Variants in PEX1 observed in about 807,000 individuals in gnomAD.
The protein encoded by PEX1 is peroxisomal biogenesis factor 1, also known as peroxisomal ATPase PEX1.
PEX1 carries 97 observed loss-of-function variants against 152.5 expected under a neutral mutation model. The observed-to-expected ratio is 0.64, with a 90% CI of 0.54 to 0.75. The LOEUF (loss-of-function observed/expected upper bound fraction) is 0.75, where lower values mean the gene tolerates loss of function less well. PEX1 is among the 30% of genes least tolerant of loss of function. PEX1 has a pLI of 0.00. For missense variants in PEX1, 1,357 were observed against 1,516.3 expected, an observed-to-expected ratio of 0.89 and a Z score of 1.74; for synonymous variants, 485 against 531.6, an observed-to-expected ratio of 0.91 and a Z score of 1.21.
chr7:92,495,304 C>T (rs550614149), intron 17 of PEX1, among the ~76,000 whole-genome samples: 1 of 152,118 alleles, frequency 6.6e-6, no homozygotes, highest in South Asian at 2.1e-4. Flanking sequence ...TAATATAAAA[C>T]ACCTGTCACG....
At chr7:92,516,892 C>T (rs1447634080) in intron 5 of PEX1, among the ~76,000 whole-genome samples, 4 of 152,164 alleles carry the variant, frequency 2.6e-5, no homozygotes, top group Non-Finnish European at 5.9e-5. Flanking sequence ...AAGTTGCTTT[C>T]GGTAACTGGG....
In PEX1 at chr7:92,517,991, A is replaced by G; in HGVS notation, c.524T>C (p.Leu175Pro). The G allele has an allele frequency of 6.2e-7, 1 of 1,613,924 alleles. No homozygotes were observed. Among genetic ancestry groups the G allele is most frequent in the Non-Finnish European group, 8.5e-7 (1 of 1,179,958 alleles). ...SYGRLETDTK[L>P]LIQPKTRRAK... ...TCGGCGTGTCTTTGGCTGAATAAGG[A>G]GTTTGGTGTCAGTTTCCAGCCTTCC... Residue 175 changes from leucine (L) to proline (P), a missense_variant, in exon 5 of 24, where the codon CTC becomes CCC. Physicochemically the swap from Leu to Pro is moderately conservative, Grantham distance 98. Coordinates refer to ENST00000248633, the MANE Select transcript of PEX1 (RefSeq NM_000466.3).
Position 92,502,002 on chromosome 7 carries a change from G to A in PEX1, c.2304C>T (p.Asp768=), listed in dbSNP as rs1791952860. 6.2e-7 allele frequency: 1 copy of A among 1,612,784 alleles called. No homozygotes were observed. The highest frequency in any genetic ancestry group is 8.5e-7 in the Non-Finnish European group (1 of 1,178,896). Reference sequence around the variant, plus strand: ...CAGTTTCTTTAGCTACATGCTGCAGGTCAAGATCGGTGAACTTGTTTATAT... The same window carrying A: ...CAGTTTCTTTAGCTACATGCTGCAGATCAAGATCGGTGAACTTGTTTATAT... ...DCDINKFTDL[D]LQHVAKETGG... The change falls in exon 14 of 24, where the codon GAC becomes GAT. Residue 768 remains aspartate (D), a synonymous_variant. Transcript: ENST00000248633.
At chr7:92,496,825 A>G in intron 16 of PEX1, 48 bp from the exon 17 acceptor site, 1 of 1,272,818 alleles carries the variant, frequency 7.9e-7, no homozygotes, top group African/African-American at 1.5e-5. Flanking sequence ...AAAAGAAAAT[A>G]TAAATTTGGT....
In PEX1 at chr7:92,487,796, T is replaced by C. The variant is rs146180866; in HGVS notation, c.3768-255A>G. On this transcript the variant is annotated intron_variant, in intron 23 of 23. Transcript: ENST00000248633. ...AAATGACAATGAATAATATGAAAAA[T>C]TATAACTTCTACACTTTAATCAAAG... Among the ~76,000 whole-genome samples, 15 of 152,260 alleles carry C rather than the reference T, an allele frequency of 9.9e-5. 1 individual carries two copies. The East Asian group carries it at 2.9e-3, about 29-fold the overall frequency.
intron 4 of PEX1, 22 bp from the exon 5 acceptor site, chr7:92,518,064 T>C (rs1054478237): frequency 6.2e-7 from 1 of 1,613,800 alleles, no homozygotes. Flanking sequence ...ATAAAGCTCA[T>C]TAGTGCACAT....
Position 92,494,436 on chromosome 7 carries a change from A to G in PEX1, c.2927-40T>C, listed in dbSNP as rs1585220895. On this transcript the variant is annotated intron_variant, in intron 18 of 23. Coordinates refer to ENST00000248633, the MANE Select transcript of PEX1 (RefSeq NM_000466.3). Reference sequence around the variant, plus strand: ...AACATTTTTTTACCAAAATCTGATGACATGATGACATTTTGTTATAACATT... The same window carrying G: ...AACATTTTTTTACCAAAATCTGATGGCATGATGACATTTTGTTATAACATT... 19 of 1,611,048 alleles carry G rather than the reference A, an allele frequency of 1.2e-5. No individual in the cohort carries two copies. The East Asian group carries it at 4.2e-4, about 36-fold the overall frequency.
chr7:92,517,970 CGT>C lies in PEX1; in HGVS notation c.543_544del (p.Arg182ProfsTer11). The C allele has an allele frequency of 1.2e-6, 2 of 1,611,920 alleles. No individual in the cohort carries two copies. The highest frequency in any genetic ancestry group is 1.7e-6 in the Non-Finnish European group (2 of 1,179,204). ...TGAAAATGTATTCTCTTTGGCTCGGCGTGTCTTTGGCTGAATAAGGAGTTTGG... is the reference window on the plus strand; with the variant it reads ...TGAAAATGTATTCTCTTTGGCTCGGCGTCTTTGGCTGAATAAGGAGTTTGG... On this transcript the variant is annotated frameshift_variant, in exon 5 of 24. Coordinates refer to ENST00000248633, the MANE Select transcript of PEX1 (RefSeq NM_000466.3). LOFTEE classifies it high-confidence loss of function.
chr7:92,495,885 A>C (rs1288757563), intron 17 of PEX1, among the ~76,000 whole-genome samples: 1 of 151,998 alleles, frequency 6.6e-6, no homozygotes, highest in Non-Finnish European at 1.5e-5. Context: ...TAAGTGGTTA[A>C]CTTCTAACCT....
In PEX1 at chr7:92,510,183, T is replaced by C. The variant is rs193131004; in HGVS notation, c.1587+761A>G. On this transcript the variant is annotated intron_variant, in intron 8 of 23. Coordinates refer to ENST00000248633, the MANE Select transcript of PEX1 (RefSeq NM_000466.3). ...GATGACTCTTAAAATACTTCTAGAA[T>C]AGCTGGGCGCAGTGGCTCACACTTG... 7.2e-3 allele frequency among the ~76,000 whole-genome samples: 1,037 copies of C among 143,114 alleles called. 6 individuals are homozygous for C. Among genetic ancestry groups the C allele is most frequent in the Middle Eastern group, 0.014 (3 of 220 alleles). The allele number at this position is 143,114 out of a possible 152,430, so 93.9% of individuals were successfully genotyped here.
intron 10 of PEX1, 132 bp downstream of exon 10, chr7:92,506,862 C>T: frequency 1.2e-6 from 1 of 852,512 alleles, no homozygotes; most frequent in Non-Finnish European, 1.9e-6. Flanking sequence ...TGAATGCTTT[C>T]CATATGTCGT....
chr7:92,500,944 TC>T (rs1791894197), intron 15 of PEX1, among the ~76,000 whole-genome samples: 1 of 152,186 alleles, frequency 6.6e-6, no homozygotes, highest in Admixed American at 6.6e-5. Context: ...CTCTTCTACC[TC>T]CTAGTTTATT....
Position 92,513,903 on chromosome 7 carries a change from A to G in PEX1, c.1304T>C (p.Val435Ala), listed in dbSNP as rs1792599459. 1.3e-6 allele frequency: 2 copies of G among 1,590,230 alleles called. No homozygotes were observed. Among genetic ancestry groups the G allele is most frequent in the Non-Finnish European group, 1.7e-6 (2 of 1,158,902 alleles). ...EMHAVVRITP[V>A]EVTPKIPRSL... ...TCTTGGAATTTTAGGGGTAACTTCCACTGGAGTTATCCTGACTACGGCATG... is the reference window on the plus strand; with the variant it reads ...TCTTGGAATTTTAGGGGTAACTTCCGCTGGAGTTATCCTGACTACGGCATG... The change falls in exon 6 of 24, where the codon GTG (valine) becomes GCG (alanine). Residue 435 changes from valine (V) to alanine (A), a missense_variant. Coordinates refer to ENST00000248633, the MANE Select transcript of PEX1 (RefSeq NM_000466.3).
rs750059210 is a variant in PEX1 at position 92,496,699 on chromosome 7, C to G, written c.2783+14G>C. ...CAGAGTCAGTTACTTTAAAAACATT[C>G]ATAGGCTACCAACCTAATAAAAATA... On this transcript the variant is annotated intron_variant, in intron 17 of 23. Transcript: ENST00000248633. 4 of 1,562,144 alleles carry G rather than the reference C, an allele frequency of 2.6e-6. No individual in the cohort carries two copies.
chr7:92,506,508 TTTACAC>T, intron 10 of PEX1, 164 bp from the exon 11 acceptor site: 1 of 615,390 alleles, frequency 1.6e-6, no homozygotes, highest in East Asian at 2.8e-5. Flanking sequence ...TGAGGCCAGA[TTTACAC>T]GGATAGCAAA....
In PEX1 at chr7:92,494,317, A is replaced by G. The variant is rs777696602; in HGVS notation, c.3006T>C (p.Cys1002=). The G allele has an allele frequency of 1.2e-6, 2 of 1,613,714 alleles. No individual in the cohort carries two copies. Among genetic ancestry groups the G allele is most frequent in the Admixed American group, 3.3e-5 (2 of 59,964 alleles). Residue 1002 remains cysteine (C), a synonymous_variant, in exon 19 of 24, where the codon TGT becomes TGC. Coordinates refer to ENST00000248633, the MANE Select transcript of PEX1 (RefSeq NM_000466.3). ...ALLRPGRLDK[C]VYCPPPDQVS... is the part of the protein sequence containing the mutation. The stretch of plus-strand genomic sequence containing the variant: ...CCTGATCAGGAGGAGGACAGTATAC[A>G]CATTTATCTAGTCGACCAGGCCTAA...
chr7:92,489,191 T>G (rs769737360), intron 23 of PEX1, 102 bp downstream of exon 23: 14 of 1,085,260 alleles, frequency 1.3e-5, no homozygotes, highest in Non-Finnish European at 1.8e-5. Context: ...CTTTTAAATA[T>G]TCAAAATATT....
chr7:92,497,453 CAA>C (rs200588226), intron 16 of PEX1, among the ~76,000 whole-genome samples: 11 of 118,766 alleles, frequency 9.3e-5, no homozygotes, highest in Admixed American at 8.2e-5. Context: ...GGGAAAAGGC[CAA>C]AAAAAAAAAA....
chr7:92,497,660 C>T (rs1019735172), intron 16 of PEX1, among the ~76,000 whole-genome samples: 1 of 152,050 alleles, frequency 6.6e-6, no homozygotes, highest in African/African-American at 2.4e-5. Context: ...GGATATGTGA[C>T]CAAAATAAGG....
Sources: gnomAD v4.1 joint callset for allele counts (sites outside exome capture counted in the v4.1 genomes callset) on GRCh38, gnomAD v4.1.1 for gene constraint, MANE v1.5 for transcripts, NCBI Gene and HGNC (gene_info 2026-07-23, HGNC 2026-07-21) for gene names.